SOBP: variants seen among roughly 807,000 people sequenced by gnomAD.
SOBP encodes sine oculis binding protein homolog, also known as sine oculis-binding protein homolog.
SOBP carries 4 observed loss-of-function variants against 53.6 expected under a neutral mutation model. The observed-to-expected ratio is 0.07, with a 90% CI of 0.04 to 0.17. The LOEUF (loss-of-function observed/expected upper bound fraction) is 0.17, where lower values mean the gene tolerates loss of function less well. Ranked by LOEUF, SOBP falls within the 10% of genes least tolerant of loss-of-function variation. The pLI, the probability that SOBP is intolerant of heterozygous loss-of-function variation, is 1.00. For synonymous variants in SOBP, 584 were observed against 522.6 expected, an observed-to-expected ratio of 1.12 and a Z score of -1.60; for missense variants, 1,088 against 1,204.7, an observed-to-expected ratio of 0.90 and a Z score of 1.43.
chr6:107,644,713 C>T lies in SOBP; in HGVS notation c.*3+9244C>T, dbSNP rs538683982. 2.6e-5 allele frequency among the ~76,000 whole-genome samples: 4 copies of T among 152,262 alleles called. No homozygotes were observed. In the South Asian group the frequency reaches 6.2e-4, roughly 24 times the overall value. On this transcript the variant is annotated intron_variant, in intron 6 of 6. Transcript: ENST00000317357. ...TTGCTTGGACATCTAATAGCTCTTA[C>T]CAAACAGCATTCTCATGAGTTAAGT...
intron 4 of SOBP, among the ~76,000 whole-genome samples, chr6:107,572,304 C>CTTTT (rs5878919): frequency 0.069 from 9,659 of 140,466 alleles, 464 homozygotes; most frequent in East Asian, 0.15. Flanking sequence ...AATTTGCACA[C>CTTTT]TTTTTTTTTT....
chr6:107,500,726 C>T (rs773401533), intron 1 of SOBP, among the ~76,000 whole-genome samples: 22 of 151,990 alleles, frequency 1.4e-4, no homozygotes, highest in East Asian at 5.9e-4. Context: ...GGGGTTTCAC[C>T]ATGTTAGCCA....
intron 6 of SOBP, among the ~76,000 whole-genome samples, chr6:107,650,109 T>A (rs1258617205): frequency 1.3e-5 from 2 of 152,326 alleles, no homozygotes; most frequent in East Asian, 3.9e-4. Context: ...AAAGAAAAAG[T>A]TATTTAAAAA....
In SOBP at chr6:107,593,570, T is replaced by C. The variant is rs78632672; in HGVS notation, c.669+6395T>C. Reference sequence around the variant, plus strand: ...CCGCAGATGTGCTAGCTGTGCACTCTGGGCAAGTTTCTCACTCTCCTGAGC... The same window carrying C: ...CCGCAGATGTGCTAGCTGTGCACTCCGGGCAAGTTTCTCACTCTCCTGAGC... On this transcript the variant is annotated intron_variant, in intron 5 of 6. Coordinates refer to ENST00000317357, the MANE Select transcript of SOBP (RefSeq NM_018013.4). Among the ~76,000 whole-genome samples, 835 of 152,320 alleles carry C rather than the reference T, an allele frequency of 5.5e-3. 12 individuals carry two copies. Among genetic ancestry groups the C allele is most frequent in the East Asian group, 0.037 (192 of 5,188 alleles).
chr6:107,546,433 G>A (rs965276608), intron 4 of SOBP, among the ~76,000 whole-genome samples: 2 of 152,204 alleles, frequency 1.3e-5, no homozygotes, highest in Non-Finnish European at 2.9e-5. Context: ...GTTGCTGATA[G>A]CATTAAAAAT....
At chr6:107,587,751 T>C (rs1161984322) in intron 5 of SOBP, among the ~76,000 whole-genome samples, 1 of 152,220 alleles carries the variant, frequency 6.6e-6, no homozygotes, top group African/African-American at 2.4e-5. Context: ...ATTGAGACTC[T>C]GTTCCAATGC....
intron 4 of SOBP, among the ~76,000 whole-genome samples, chr6:107,538,128 C>T (rs1009653038): frequency 1.3e-5 from 2 of 152,114 alleles, no homozygotes; most frequent in African/African-American, 4.8e-5. Context: ...TTTGGAAGAA[C>T]CCATCTCTAA....
intron 1 of SOBP, among the ~76,000 whole-genome samples, chr6:107,503,375 A>G (rs1013126319): frequency 1.3e-5 from 2 of 152,238 alleles, no homozygotes; most frequent in African/African-American, 4.8e-5. Context: ...GTGCTAAAAT[A>G]TGACTTCCTG....
chr6:107,584,977 T>TA (rs1785521888), intron 4 of SOBP, among the ~76,000 whole-genome samples: 1 of 152,194 alleles, frequency 6.6e-6, no homozygotes, highest in Non-Finnish European at 1.5e-5. Context: ...ACAAGATACA[T>TA]ATATATTGAA....
At chr6:107,538,281 G>GT (rs1473352310) in intron 4 of SOBP, among the ~76,000 whole-genome samples, 2 of 152,186 alleles carry the variant, frequency 1.3e-5, no homozygotes, top group Non-Finnish European at 2.9e-5. Flanking sequence ...GAAGAAATGT[G>GT]TAACAATTGC....
At chr6:107,555,242 G>A (rs1784576513) in intron 4 of SOBP, among the ~76,000 whole-genome samples, 3 of 151,924 alleles carry the variant, frequency 2.0e-5, no homozygotes, top group South Asian at 4.2e-4. Context: ...TTAAAAGGAT[G>A]GCTTATTAGT....
In SOBP at chr6:107,640,108, C is replaced by T. The variant is rs542011029; in HGVS notation, c.*3+4639C>T. Among the ~76,000 whole-genome samples, 6 of 152,208 alleles carry T rather than the reference C, an allele frequency of 3.9e-5. No individual in the cohort carries two copies. In the South Asian group the frequency reaches 1.2e-3, roughly 32 times the overall value. On this transcript the variant is annotated intron_variant, in intron 6 of 6. Coordinates refer to ENST00000317357, the MANE Select transcript of SOBP (RefSeq NM_018013.4). ...GCCACAGTCCTAGAAACAACTGTTC[C>T]AAGGCAAGGAGTTCACTTCATTGGG...
intron 6 of SOBP, among the ~76,000 whole-genome samples, chr6:107,645,960 G>A (rs1442466081): frequency 3.9e-5 from 6 of 152,236 alleles, no homozygotes; most frequent in African/African-American, 1.4e-4. Context: ...GAGGCTGGAG[G>A]AGAGTGGGAA....
At chr6:107,622,116 C>T (rs1200974324) in intron 5 of SOBP, among the ~76,000 whole-genome samples, 1 of 152,152 alleles carries the variant, frequency 6.6e-6, no homozygotes, top group African/African-American at 2.4e-5. Context: ...TACGTAAAAA[C>T]ATCTGTATTT....
intron 3 of SOBP, among the ~76,000 whole-genome samples, chr6:107,532,236 C>T (rs1439916936): frequency 1.4e-5 from 1 of 71,334 alleles, no homozygotes; most frequent in Admixed American, 1.2e-4. Flanking sequence ...CAGTCTCTCT[C>T]TCTCTCACAC....
intron 4 of SOBP, among the ~76,000 whole-genome samples, chr6:107,584,133 G>A (rs72945637): frequency 0.1 from 15,353 of 151,932 alleles, 828 homozygotes; most frequent in African/African-American, 0.14. Context: ...TCCTTAGATC[G>A]GCAGTTCTCG....
chr6:107,538,912 AG>A (rs1784077015), intron 4 of SOBP, among the ~76,000 whole-genome samples: 1 of 152,234 alleles, frequency 6.6e-6, no homozygotes, highest in African/African-American at 2.4e-5. Context: ...GGGTTAGAGC[AG>A]GAAGGTTCTG....
chr6:107,627,523 T>A (rs1225837593), intron 5 of SOBP, among the ~76,000 whole-genome samples: 3 of 152,234 alleles, frequency 2.0e-5, no homozygotes. Context: ...AGTTTTCTAA[T>A]GAGATTTTTT....
chr6:107,656,281 AGAAAG>A (rs1772027965), intron 6 of SOBP, among the ~76,000 whole-genome samples: 2 of 142,982 alleles, frequency 1.4e-5, no homozygotes, highest in African/African-American at 5.3e-5. Context: ...TTCTTGAGAA[AGAAAG>A]AAAAGAAAGA....
Sources: allele counts gnomAD v4.1 joint callset (sites outside exome capture counted in the v4.1 genomes callset), GRCh38; gene constraint gnomAD v4.1.1; transcripts MANE v1.5; gene names NCBI Gene and HGNC (gene_info 2026-07-23, HGNC 2026-07-21).